Variants in CEP295 observed in about 807,000 individuals in gnomAD.
The protein encoded by CEP295 is centrosomal protein of 295 kDa.
CEP295 carries 190 observed loss-of-function variants against 291.6 expected under a neutral mutation model. That is an observed-to-expected ratio of 0.65 (90% CI 0.58 to 0.73). The LOEUF (loss-of-function observed/expected upper bound fraction) is 0.73. Among genes scored for constraint, CEP295 ranks in the 30% least tolerant of loss-of-function variants. The probability of loss-of-function intolerance (pLI) is 0.00; values close to 1 mark genes in which losing one functional copy is unlikely to be tolerated. For missense variants in CEP295, 2,863 were observed against 2,949.4 expected (o/e 0.97, Z 0.68); for synonymous variants, 993 against 1,038.8 (o/e 0.96, Z 0.85).
At chr11:93,724,901 A>C (rs767049007) in intron 22 of CEP295, among the ~76,000 whole-genome samples, 1 of 152,194 alleles carries the variant, frequency 6.6e-6, no homozygotes, top group Non-Finnish European at 1.5e-5. Context: ...AGATAGTACT[A>C]ATTATTATTA....
intron 9 of CEP295, among the ~76,000 whole-genome samples, chr11:93,686,503 T>C (rs1951249149): frequency 1.3e-5 from 2 of 152,212 alleles, no homozygotes; most frequent in South Asian, 4.1e-4. Context: ...GTTTGTTTGT[T>C]TGAAGCTAGA....
intron 18 of CEP295, among the ~76,000 whole-genome samples, chr11:93,719,077 C>T (rs1953483620): frequency 6.6e-6 from 1 of 150,452 alleles, no homozygotes; most frequent in Non-Finnish European, 1.5e-5. Flanking sequence ...CTCTGCACTC[C>T]AGCCTGGGTG....
At chr11:93,716,646 C>T (rs933566241) in intron 18 of CEP295, among the ~76,000 whole-genome samples, 3 of 152,172 alleles carry the variant, frequency 2.0e-5, no homozygotes, top group Non-Finnish European at 4.4e-5. Flanking sequence ...ACACACTTCA[C>T]AAAAGGGGGT....
intron 1 of CEP295, among the ~76,000 whole-genome samples, chr11:93,663,744 G>T (rs1950092284): frequency 6.6e-6 from 1 of 152,048 alleles, no homozygotes; most frequent in Non-Finnish European, 1.5e-5. Flanking sequence ...CATTTTAGGA[G>T]CTTAAAAATA....
rs2135374566 is a variant in CEP295, at chr11:93,728,898, G to A, written c.7302+77G>A. 1.0e-5 allele frequency: 13 copies of A among 1,303,300 alleles called. No homozygotes were observed. In the South Asian group the frequency reaches 1.8e-4, roughly 18 times the overall value. 80.7% of individuals were successfully genotyped at this position (1,303,300 alleles called of 1,614,324 possible). On this transcript the variant is annotated intron_variant, in intron 25 of 29. Transcript: ENST00000325212. The stretch of plus-strand genomic sequence containing the variant: ...TTTGTCTCTTACAACTTATCAGAAG[G>A]TACTCATTGGAGGGAATTATGCTAT...
Position 93,698,638 on chromosome 11 carries a change from A to G in CEP295, c.3726A>G (p.Arg1242=). The G allele has an allele frequency of 6.4e-7, 1 of 1,551,134 alleles. No individual in the cohort carries two copies. The highest frequency in any genetic ancestry group is 8.7e-7 in the Non-Finnish European group (1 of 1,147,126). The change falls in exon 15 of 30, where the codon AGA becomes AGG. Residue 1242 remains arginine (R), a synonymous_variant. Coordinates refer to ENST00000325212, the MANE Select transcript of CEP295 (RefSeq NM_033395.2). ...SHPKIPRCQE[R]LLRVSQHMLP... ...CTAAGATCCCAAGATGTCAGGAAAGACTTTTGAGAGTTTCACAACATATGC... is the reference window on the plus strand; with the variant it reads ...CTAAGATCCCAAGATGTCAGGAAAGGCTTTTGAGAGTTTCACAACATATGC...
At chr11:93,726,105 G>GT in intron 23 of CEP295, among the ~76,000 whole-genome samples, 1 of 151,700 alleles carries the variant, frequency 6.6e-6, no homozygotes, top group Middle Eastern at 3.4e-3. Context: ...TTATTTTTTT[G>GT]TTTGTTTTTT....
chr11:93,665,794 TGAA>T (rs1950183930), intron 1 of CEP295, among the ~76,000 whole-genome samples: 1 of 152,178 alleles, frequency 6.6e-6, no homozygotes, highest in Non-Finnish European at 1.5e-5. Flanking sequence ...CTATAATTAT[TGAA>T]GAATTGTTTA....
intron 25 of CEP295, chr11:93,729,184 C>G: frequency 1.8e-6 from 1 of 548,658 alleles, no homozygotes; most frequent in Non-Finnish European, 3.2e-6. Context: ...ATAAAGCTAT[C>G]TAAACAGAGG....
At chr11:93,726,687 TTC>T (rs1455206897) in intron 23 of CEP295, 2 of 250,254 alleles carry the variant, frequency 8.0e-6, no homozygotes, top group Non-Finnish European at 1.5e-5. Context: ...TTATTCTCTT[TTC>T]TGTTATTAAA....
At chr11:93,725,057 T>A (rs939768603) in intron 22 of CEP295, among the ~76,000 whole-genome samples, 2 of 151,486 alleles carry the variant, frequency 1.3e-5, no homozygotes, top group Non-Finnish European at 2.9e-5. Flanking sequence ...GAGTTTGAGA[T>A]CAGCCTGGCC....
At position 93,728,725 on chromosome 11, in the gene CEP295, T is replaced by A; in HGVS notation, c.7206T>A (p.Thr2402=). Residue 2402 remains threonine (T), a synonymous_variant, in exon 25 of 30, where the codon ACT becomes ACA. Coordinates refer to ENST00000325212, the MANE Select transcript of CEP295 (RefSeq NM_033395.2). The part of the protein sequence containing the change: ...GHGIMEEPEL[T]LISTTDTSIA... ...GTATAATGGAAGAACCAGAACTTAC[T>A]TTAATAAGCACCACTGATACCAGTA... 1 of 1,550,296 alleles carries A rather than the reference T, an allele frequency of 6.5e-7. No homozygotes were observed. The highest frequency in any genetic ancestry group is 8.7e-7 in the Non-Finnish European group (1 of 1,146,568).
chr11:93,669,764 T>C lies in CEP295; in HGVS notation c.522T>C (p.Leu174=). The part of the protein sequence containing the change: ...ITSLPPPPPT[L]FENIEVKRIS... Reference sequence around the variant, plus strand: ...GTCTGCCACCTCCTCCTCCAACTCTTTTTGAGGTGAGTTTGAGTATTAAGA... The same window carrying C: ...GTCTGCCACCTCCTCCTCCAACTCTCTTTGAGGTGAGTTTGAGTATTAAGA... The change falls in exon 5 of 30, where the codon CTT becomes CTC. Residue 174 remains leucine (L), a synonymous_variant. Transcript: ENST00000325212. 1.9e-6 allele frequency: 3 copies of C among 1,546,682 alleles called. No individual in the cohort carries two copies. Among genetic ancestry groups the C allele is most frequent in the Non-Finnish European group, 2.6e-6 (3 of 1,142,684 alleles).
intron 22 of CEP295, among the ~76,000 whole-genome samples, chr11:93,724,914 A>T (rs755773853): frequency 3.3e-5 from 5 of 152,176 alleles, no homozygotes; most frequent in Admixed American, 1.3e-4. Context: ...TATTATTATT[A>T]TTTTTTAAGC....
At chr11:93,701,220 C>T (rs771171883) in intron 15 of CEP295, among the ~76,000 whole-genome samples, 1 of 151,996 alleles carries the variant, frequency 6.6e-6, no homozygotes, top group East Asian at 1.9e-4. Context: ...CAAAAATTAG[C>T]CAGGCATGGT....
At chr11:93,686,865 C>A (rs1221791068) in intron 9 of CEP295, among the ~76,000 whole-genome samples, 1 of 152,092 alleles carries the variant, frequency 6.6e-6, no homozygotes, top group African/African-American at 2.4e-5. Flanking sequence ...TGAATTATAA[C>A]TCAATTGGAA....
chr11:93,703,003 GC>G, intron 17 of CEP295, 84 bp downstream of exon 17: 1 of 1,142,486 alleles, frequency 8.8e-7, no homozygotes, highest in Non-Finnish European at 1.2e-6. Context: ...TTGCTCTGTT[GC>G]CCAGGCTGGA....
At chr11:93,692,259 C>T (rs1951599642) in intron 12 of CEP295, among the ~76,000 whole-genome samples, 1 of 151,978 alleles carries the variant, frequency 6.6e-6, no homozygotes, top group Non-Finnish European at 1.5e-5. Context: ...TAGATCTTCC[C>T]TATAAAATTT....
intron 7 of CEP295, among the ~76,000 whole-genome samples, chr11:93,680,151 G>T (rs1010862618): frequency 1.3e-5 from 2 of 151,938 alleles, no homozygotes; most frequent in Non-Finnish European, 2.9e-5. Flanking sequence ...GTGGTGTGCG[G>T]CTGTAGTCCC....
Sources: gnomAD v4.1 joint callset for allele counts (sites outside exome capture counted in the v4.1 genomes callset) on GRCh38, gnomAD v4.1.1 for gene constraint, MANE v1.5 for transcripts, NCBI Gene and HGNC (gene_info 2026-07-23, HGNC 2026-07-21) for gene names.